The following PSD3 variants were observed in gnomAD, a reference collection of about 807,000 sequenced individuals.
PSD3 encodes the protein PH and SEC7 domain-containing protein 3.
PSD3 carries 49 observed loss-of-function variants against 105.5 expected under a neutral mutation model. The observed-to-expected ratio is 0.46, with a 90% CI of 0.37 to 0.59. PSD3 has a LOEUF of 0.59. PSD3 is among the 20% of genes least tolerant of loss of function. The pLI, the probability that PSD3 is intolerant of heterozygous loss-of-function variation, is 0.00. For synonymous variants in PSD3, 557 were observed against 457.8 expected (o/e 1.22, Z -2.77); for missense variants, 1,561 against 1,263.8 (o/e 1.24, Z -3.57).
intron 10 of PSD3, among the ~76,000 whole-genome samples, chr8:18,637,762 T>TA (rs1325580419): frequency 6.6e-6 from 1 of 152,122 alleles, no homozygotes; most frequent in Non-Finnish European, 1.5e-5. Flanking sequence ...AATACCATAA[T>TA]AAAAATATAA....
intron 1 of PSD3, among the ~76,000 whole-genome samples, chr8:19,009,835 G>A (rs1826872950): frequency 6.6e-6 from 1 of 152,104 alleles, no homozygotes; most frequent in Non-Finnish European, 1.5e-5. Context: ...GGGTTGCAGT[G>A]AGCTGAGATC....
chr8:18,633,461 C>G (rs1023739336), intron 10 of PSD3, among the ~76,000 whole-genome samples: 3 of 152,068 alleles, frequency 2.0e-5, no homozygotes, highest in Non-Finnish European at 4.4e-5. Context: ...ATCTTTATGT[C>G]CATGTGTACC....
chr8:18,786,052 T>C (rs1472700348), intron 8 of PSD3, among the ~76,000 whole-genome samples: 1 of 152,136 alleles, frequency 6.6e-6, no homozygotes, highest in Non-Finnish European at 1.5e-5. Flanking sequence ...GATACGCCTA[T>C]ACTTAAACTT....
intron 1 of PSD3, among the ~76,000 whole-genome samples, chr8:19,024,292 G>A (rs1304478423): frequency 6.6e-6 from 1 of 152,088 alleles, no homozygotes; most frequent in Non-Finnish European, 1.5e-5. Context: ...ACCTATGCTT[G>A]CATGTTTTTA....
intron 1 of PSD3, among the ~76,000 whole-genome samples, chr8:18,984,479 T>A (rs1326023075): frequency 3.3e-5 from 5 of 152,072 alleles, no homozygotes; most frequent in Non-Finnish European, 7.4e-5. Flanking sequence ...CAGTATTAAG[T>A]GCATACATTA....
chr8:18,574,653 G>A (rs1175582818), intron 13 of PSD3, among the ~76,000 whole-genome samples: 4 of 152,238 alleles, frequency 2.6e-5, no homozygotes, highest in East Asian at 3.9e-4. Flanking sequence ...CAGTTCCTAT[G>A]TGCCAGGCAC....
intron 1 of PSD3, among the ~76,000 whole-genome samples, chr8:18,942,865 G>A (rs1489158792): frequency 2.6e-5 from 4 of 152,220 alleles, no homozygotes; most frequent in African/African-American, 9.6e-5. Context: ...CTACAGATTA[G>A]AGGGCAAAAG....
intron 4 of PSD3, among the ~76,000 whole-genome samples, chr8:18,809,381 T>G (rs2129448179): frequency 6.6e-6 from 1 of 152,256 alleles, no homozygotes; most frequent in African/African-American, 2.4e-5. Context: ...AATAATTCTC[T>G]CATCAAAACA....
At chr8:18,770,015 C>T (rs1411775203) in intron 8 of PSD3, among the ~76,000 whole-genome samples, 1 of 152,102 alleles carries the variant, frequency 6.6e-6, no homozygotes, top group East Asian at 1.9e-4. Context: ...ATTATTGAGT[C>T]CTATGGTAAT....
At chr8:18,867,199 C>G (rs1052686778) in intron 4 of PSD3, among the ~76,000 whole-genome samples, 1 of 152,206 alleles carries the variant, frequency 6.6e-6, no homozygotes. Context: ...GAAGACAGAA[C>G]AGGAACTCTC....
intron 1 of PSD3, among the ~76,000 whole-genome samples, chr8:19,081,264 G>A (rs932833118): frequency 6.6e-6 from 1 of 152,178 alleles, no homozygotes; most frequent in Non-Finnish European, 1.5e-5. Context: ...GGACTCATTC[G>A]TACAAGGTTA....
intron 8 of PSD3, among the ~76,000 whole-genome samples, chr8:18,771,983 T>C (rs965704619): frequency 6.6e-6 from 1 of 152,226 alleles, no homozygotes; most frequent in Non-Finnish European, 1.5e-5. Context: ...AATCATATTT[T>C]TTCTTTTTGT....
chr8:19,074,503 T>C (rs1829381806), intron 1 of PSD3, among the ~76,000 whole-genome samples: 1 of 151,496 alleles, frequency 6.6e-6, no homozygotes, highest in East Asian at 1.9e-4. Context: ...TTCATGACAT[T>C]GTATTGTTTT....
chr8:18,600,859 A>C (rs1213583764), intron 11 of PSD3, among the ~76,000 whole-genome samples: 2 of 152,088 alleles, frequency 1.3e-5, no homozygotes, highest in African/African-American at 2.4e-5. Context: ...TTCTTCAGAG[A>C]CTCTAGAAAT....
At chr8:18,585,999 G>C (rs1803158904) in intron 12 of PSD3, among the ~76,000 whole-genome samples, 1 of 151,986 alleles carries the variant, frequency 6.6e-6, no homozygotes, top group Non-Finnish European at 1.5e-5. Flanking sequence ...TTTCCTAGGG[G>C]GATCTGAGGA....
At chr8:18,880,967 A>G (rs1818063877) in intron 2 of PSD3, among the ~76,000 whole-genome samples, 1 of 152,182 alleles carries the variant, frequency 6.6e-6, no homozygotes, top group Non-Finnish European at 1.5e-5. Flanking sequence ...TGTAGTGTAG[A>G]GTGTGGAGGA....
chr8:18,995,061 C>A (rs1187555715), intron 1 of PSD3, among the ~76,000 whole-genome samples: 1 of 152,102 alleles, frequency 6.6e-6, no homozygotes, highest in African/African-American at 2.4e-5. Context: ...TTATTTATAA[C>A]AAAGCCAAAG....
chr8:18,677,354 G>T (rs1363010315), intron 9 of PSD3, among the ~76,000 whole-genome samples: 2 of 152,110 alleles, frequency 1.3e-5, no homozygotes, highest in Non-Finnish European at 2.9e-5. Flanking sequence ...AAGGAGTTCA[G>T]ATCACACGAG....
intron 9 of PSD3, among the ~76,000 whole-genome samples, chr8:18,741,722 C>A (rs1439245538): frequency 2.6e-5 from 4 of 151,342 alleles, no homozygotes; most frequent in Admixed American, 6.6e-5. Context: ...ATGCCCTCTC[C>A]CACCTACTTT....
Sources: allele counts gnomAD v4.1 joint callset (sites outside exome capture counted in the v4.1 genomes callset), GRCh38; gene constraint gnomAD v4.1.1; transcripts MANE v1.5; gene names NCBI Gene and HGNC (gene_info 2026-07-23, HGNC 2026-07-21).